The following CEACAM4 variants were observed in gnomAD, a reference collection of about 807,000 sequenced individuals.
The protein encoded by CEACAM4 is CEA cell adhesion molecule 4, also known as cell adhesion molecule CEACAM4.
A neutral mutation model predicts 28.7 loss-of-function variants in CEACAM4; 30 were observed. That is an observed-to-expected ratio of 1.05 (90% confidence interval 0.78 to 1.42). CEACAM4 has a LOEUF of 1.42. Ranked by LOEUF, CEACAM4 falls within the 40% of genes most tolerant of loss-of-function variation. The pLI is 0.00. For synonymous variants in CEACAM4, 143 were observed against 126.5 expected, an observed-to-expected ratio of 1.13 and a Z score of -0.87; for missense variants, 330 against 308.2, an observed-to-expected ratio of 1.07 and a Z score of -0.53.
intron 2 of CEACAM4, 78 bp downstream of exon 2, chr19:41,625,523 A>G: frequency 3.3e-6 from 5 of 1,504,880 alleles, no homozygotes; most frequent in Non-Finnish European, 3.6e-6. Context: ...GGATGCAGGC[A>G]CAGCCCAGGC....
At position 41,627,060 on chromosome 19, in the gene CEACAM4, C is replaced by CCTTCCTCCTTCTGTGCTGAG. The variant is rs2071714885; in HGVS notation, c.-98_-97insCTCAGCACAGAAGGAGGAAG. ...GACTGTCGGCTGTCGGGGCTGCTGA[C>CCTTCCTCCTTCTGTGCTGAG]CTTCCTCCTTCTGTGCTGAGCCTCC... On this transcript the variant is annotated 5_prime_UTR_variant, in exon 1 of 7. Coordinates refer to ENST00000221954, the MANE Select transcript of CEACAM4 (RefSeq NM_001817.4). The CCTTCCTCCTTCTGTGCTGAG allele has an allele frequency of 9.5e-7, 1 of 1,057,266 alleles. No individual in the cohort carries two copies. The highest frequency in any genetic ancestry group is 1.4e-6 in the Non-Finnish European group (1 of 732,864). 65.5% of individuals were successfully genotyped at this position (1,057,266 alleles called of 1,614,324 possible).
At chr19:41,614,023 T>C (rs2070962249), downstream of CEACAM4, among the ~76,000 whole-genome samples, 1 of 152,244 alleles carries the variant, frequency 6.6e-6, no homozygotes, top group Non-Finnish European at 1.5e-5. Flanking sequence ...CATTCTTATT[T>C]GGCAACATTC....
At position 41,621,793 on chromosome 19, in the gene CEACAM4, G is replaced by A. The variant is rs199597961; in HGVS notation, c.425-25C>T. On this transcript the variant is annotated intron_variant, in intron 2 of 6. Coordinates refer to ENST00000221954, the MANE Select transcript of CEACAM4 (RefSeq NM_001817.4). Reference sequence around the variant, plus strand: ...TCTGCAGAAAGGGGAAGGCAAAGGGGACAAGGCCCAAGTTTGTTCCAAGGG... The same window carrying A: ...TCTGCAGAAAGGGGAAGGCAAAGGGAACAAGGCCCAAGTTTGTTCCAAGGG... 3 of 1,382,614 alleles carry A rather than the reference G, an allele frequency of 2.2e-6. No individual in the cohort carries two copies. In the South Asian group the frequency reaches 3.5e-5, roughly 16 times the overall value. The allele number at this position is 1,382,614 out of a possible 1,614,324, so 85.6% of individuals were successfully genotyped here. A position where few individuals can be genotyped will look rare whatever the true frequency, so the allele number is the denominator to read the frequency against.
In CEACAM4 at chr19:41,620,490, A is replaced by G. The variant is rs952627692; in HGVS notation, c.595+85T>C. On this transcript the variant is annotated intron_variant, in intron 4 of 6. Coordinates refer to ENST00000221954, the MANE Select transcript of CEACAM4 (RefSeq NM_001817.4). Reference sequence around the variant, plus strand: ...TCCTTGCAGCCCCAAAGAAAGGGTCAGAGGCCCCCAGGGGGTGACTGGCAG... The same window carrying G: ...TCCTTGCAGCCCCAAAGAAAGGGTCGGAGGCCCCCAGGGGGTGACTGGCAG... The G allele has an allele frequency of 2.5e-6, 3 of 1,200,926 alleles. No homozygotes were observed. The East Asian group carries it at 7.5e-5, about 30-fold the overall frequency. The allele number at this position is 1,200,926 out of a possible 1,614,324, so 74.4% of individuals were successfully genotyped here. A position where few individuals can be genotyped will look rare whatever the true frequency, so the allele number is the denominator to read the frequency against.
chr19:41,623,772 G>A (rs1555802718), intron 2 of CEACAM4, among the ~76,000 whole-genome samples: 1 of 152,072 alleles, frequency 6.6e-6, no homozygotes, highest in Non-Finnish European at 1.5e-5. Context: ...ATCTGAACTT[G>A]CTAAGAAGAA....
intron 2 of CEACAM4, among the ~76,000 whole-genome samples, chr19:41,624,566 A>G (rs1555803045): frequency 6.6e-6 from 1 of 152,178 alleles, no homozygotes; most frequent in Non-Finnish European, 1.5e-5. Context: ...CGAGCTGTAG[A>G]CACCTAAGAA....
chr19:41,619,408 A>C lies in CEACAM4; in HGVS notation c.670-13T>G, dbSNP rs1555800105. Reference sequence around the variant, plus strand: ...AGTATAGCAATTCCTGTAAAAACAGAGAAGAGGCCTCAACCCCTGTAGCCT... The same window carrying C: ...AGTATAGCAATTCCTGTAAAAACAGCGAAGAGGCCTCAACCCCTGTAGCCT... On this transcript the variant is annotated splice_polypyrimidine_tract_variant and intron_variant, in intron 6 of 6. Coordinates refer to ENST00000221954, the MANE Select transcript of CEACAM4 (RefSeq NM_001817.4). 1.2e-6 allele frequency: 2 copies of C among 1,613,538 alleles called. No individual in the cohort carries two copies. The highest frequency in any genetic ancestry group is 1.7e-6 in the Non-Finnish European group (2 of 1,179,438).
chr19:41,621,583 G>A (rs1420552381), intron 3 of CEACAM4, 68 bp downstream of exon 3: 10 of 803,964 alleles, frequency 1.2e-5, no homozygotes, highest in African/African-American at 8.5e-5. Context: ...AATACAGGGC[G>A]GGGTCTCCCT....
intron 1 of CEACAM4, 45 bp from the exon 2 acceptor site, chr19:41,626,005 T>A (rs782696844): frequency 1.3e-6 from 2 of 1,556,936 alleles, no homozygotes; most frequent in Non-Finnish European, 8.7e-7. Flanking sequence ...ACCTATGGAG[T>A]GGGATGGAAA....
rs2071579053 is a variant in CEACAM4 at position 41,625,506 on chromosome 19, C to A, written c.424+95G>T. The stretch of plus-strand genomic sequence containing the variant: ...CCAAATCTCAACACGGGACAAAATG[C>A]AGAGGGGGATGCAGGCACAGCCCAG... On this transcript the variant is annotated intron_variant, in intron 2 of 6. Coordinates refer to ENST00000221954, the MANE Select transcript of CEACAM4 (RefSeq NM_001817.4). 6 of 1,421,838 alleles carry A rather than the reference C, an allele frequency of 4.2e-6. No individual in the cohort carries two copies. The South Asian group carries it at 6.8e-5, about 16-fold the overall frequency. The allele number at this position is 1,421,838 out of a possible 1,614,324, so 88.1% of individuals were successfully genotyped here.
At chr19:41,614,253 T>C (rs1282000320), downstream of CEACAM4, among the ~76,000 whole-genome samples, 1 of 152,252 alleles carries the variant, frequency 6.6e-6, no homozygotes, top group African/African-American at 2.4e-5. Context: ...GTACTGTTCC[T>C]GGAGCTCATT....
chr19:41,618,657 T>C (rs1310909058), downstream of CEACAM4, among the ~76,000 whole-genome samples: 1 of 152,152 alleles, frequency 6.6e-6, no homozygotes, highest in Admixed American at 6.5e-5. Context: ...ATACCACCCA[T>C]GGTTGCTCCC....
chr19:41,621,914 A>C, intron 2 of CEACAM4, 146 bp from the exon 3 acceptor site: 1 of 586,604 alleles, frequency 1.7e-6, no homozygotes, highest in East Asian at 2.7e-5. Flanking sequence ...CTCATAGCTG[A>C]CTCCCTTGCT....
chr19:41,622,849 T>TAGATAG (rs1555802202), intron 2 of CEACAM4, among the ~76,000 whole-genome samples: 2 of 111,318 alleles, frequency 1.8e-5, no homozygotes, highest in African/African-American at 4.6e-5. Flanking sequence ...TATATATACA[T>TAGATAG]ATATATAGAT....
At chr19:41,619,838 C>T in intron 5 of CEACAM4, 127 bp from the exon 6 acceptor site, 6 of 794,824 alleles carry the variant, frequency 7.5e-6, no homozygotes, top group Non-Finnish European at 1.2e-5. Context: ...CATTTCCCCT[C>T]AGGATTGACC....
downstream of CEACAM4, among the ~76,000 whole-genome samples, chr19:41,617,445 G>C (rs975893730): frequency 6.6e-6 from 1 of 152,130 alleles, no homozygotes; most frequent in African/African-American, 2.4e-5. Context: ...ACAGAACAAG[G>C]GCCTCTCAAA....
At chr19:41,614,734 C>T (rs988142150), downstream of CEACAM4, among the ~76,000 whole-genome samples, 4 of 152,120 alleles carry the variant, frequency 2.6e-5, no homozygotes, top group Admixed American at 1.3e-4. Context: ...ACACAGGTAA[C>T]CCCTGCAAAA....
chr19:41,614,429 C>A (rs1259587469), downstream of CEACAM4, among the ~76,000 whole-genome samples: 1 of 152,160 alleles, frequency 6.6e-6, no homozygotes, highest in East Asian at 1.9e-4. Context: ...ATGGTGAGGT[C>A]AATGTTGCTG....
chr19:41,625,159 A>G (rs1437917593), intron 2 of CEACAM4, among the ~76,000 whole-genome samples: 1 of 152,124 alleles, frequency 6.6e-6, no homozygotes, highest in Admixed American at 6.5e-5. Context: ...CATCTGGTAA[A>G]TCCTTGCTCC....
Sources: allele counts gnomAD v4.1 joint callset (sites outside exome capture counted in the v4.1 genomes callset), GRCh38; gene constraint gnomAD v4.1.1; transcripts MANE v1.5; gene names NCBI Gene and HGNC (gene_info 2026-07-23, HGNC 2026-07-21).